Variants in WWTR1 observed in about 807,000 individuals in gnomAD.
WWTR1 encodes the protein WW domain containing transcription regulator 1.
In WWTR1, 13 loss-of-function variants were observed where a neutral mutation model predicts 40.1. The ratio of observed to expected loss-of-function variants is 0.32; its 90% CI spans 0.21 to 0.52. WWTR1 has a LOEUF of 0.52. Among genes scored for constraint, WWTR1 ranks in the 20% least tolerant of loss-of-function variants. The probability of loss-of-function intolerance (pLI) is 0.97; values close to 1 mark genes in which losing one functional copy is unlikely to be tolerated. For synonymous variants in WWTR1, 230 were observed against 210.1 expected, an observed-to-expected ratio of 1.09 and a Z score of -0.82; for missense variants, 436 against 523.1, an observed-to-expected ratio of 0.83 and a Z score of 1.63.
intron 6 of WWTR1, among the ~76,000 whole-genome samples, chr3:149,523,297 A>AGAGT (rs1167502558): frequency 1.3e-5 from 2 of 151,252 alleles, no homozygotes; most frequent in Admixed American, 1.3e-4. Context: ...TGCCCAAGCT[A>AGAGT]GAGTGCAATG....
chr3:149,658,912 TG>T (rs1410286090), upstream of WWTR1, among the ~76,000 whole-genome samples: 1 of 152,124 alleles, frequency 6.6e-6, no homozygotes, highest in Non-Finnish European at 1.5e-5. Flanking sequence ...GGAGCCGGGA[TG>T]GAACCCGAGC....
intron 2 of WWTR1, among the ~76,000 whole-genome samples, chr3:149,583,948 G>A (rs1738281830): frequency 6.6e-6 from 1 of 152,142 alleles, no homozygotes; most frequent in Admixed American, 6.5e-5. Flanking sequence ...CATATCAACT[G>A]CATCTAACAT....
chr3:149,619,682 C>A (rs1427344986), intron 2 of WWTR1, among the ~76,000 whole-genome samples: 1 of 152,148 alleles, frequency 6.6e-6, no homozygotes, highest in Non-Finnish European at 1.5e-5. Context: ...AATCTCCACA[C>A]TCTGTTTATT....
At chr3:149,655,184 C>A (rs1713134481) in intron 2 of WWTR1, among the ~76,000 whole-genome samples, 1 of 151,652 alleles carries the variant, frequency 6.6e-6, no homozygotes, top group Non-Finnish European at 1.5e-5. Flanking sequence ...GTGGCTCAAG[C>A]CTGTAATCCC....
intron 3 of WWTR1, among the ~76,000 whole-genome samples, chr3:149,553,950 G>A (rs747444906): frequency 6.6e-5 from 10 of 152,082 alleles, no homozygotes; most frequent in Admixed American, 1.3e-4. Context: ...AAAAAGGGCT[G>A]CAGACGCGTC....
intron 2 of WWTR1, chr3:149,576,039 TC>T (rs1275160461): frequency 2.2e-6 from 1 of 456,490 alleles, no homozygotes; most frequent in African/African-American, 2.0e-5. Context: ...CTCACAGCAT[TC>T]CCCAAAGGCT....
chr3:149,722,975 T>C lies in WWTR1; in HGVS notation n.459+1105A>G, dbSNP rs181235910. Among the ~76,000 whole-genome samples, 4 of 152,220 alleles carry C rather than the reference T, an allele frequency of 2.6e-5. No homozygotes were observed. In the East Asian group the frequency reaches 7.7e-4, roughly 29 times the overall value. On this transcript the variant is annotated intron_variant and non_coding_transcript_variant, in intron 4 of 6. Transcript: ENST00000474080. ...CTTTTAGCATCTTTAAGACAGTTGT[T>C]TGAAAGTCCTTGTCTATTACAACCA...
intron 4 of WWTR1, among the ~76,000 whole-genome samples, chr3:149,719,644 C>G (rs1357860973): frequency 1.3e-5 from 2 of 152,156 alleles, no homozygotes; most frequent in African/African-American, 4.8e-5. Flanking sequence ...TATGGCACTG[C>G]TGGATCATAT....
At chr3:149,626,148 G>A (rs765963045) in intron 2 of WWTR1, among the ~76,000 whole-genome samples, 11 of 151,838 alleles carry the variant, frequency 7.2e-5, no homozygotes, top group Non-Finnish European at 1.5e-4. Context: ...ATCAAATCAA[G>A]GTACAAGGGA....
intron 1 of WWTR1, among the ~76,000 whole-genome samples, chr3:149,676,609 A>C (rs1714268215): frequency 6.6e-6 from 1 of 152,132 alleles, no homozygotes; most frequent in Non-Finnish European, 1.5e-5. Flanking sequence ...AGATATTGTT[A>C]GTTCAGATTT....
chr3:149,540,570 A>G (rs1385271823), intron 4 of WWTR1, among the ~76,000 whole-genome samples: 1 of 152,242 alleles, frequency 6.6e-6, no homozygotes, highest in Non-Finnish European at 1.5e-5. Flanking sequence ...AATTTACCTT[A>G]CATTATAAAA....
chr3:149,560,340 T>C (rs1737030562), intron 3 of WWTR1, among the ~76,000 whole-genome samples: 2 of 152,158 alleles, frequency 1.3e-5, no homozygotes, highest in South Asian at 4.1e-4. Flanking sequence ...AAAGAAGACA[T>C]GCTGAGGATC....
At chr3:149,562,060 C>T (rs996379907) in intron 3 of WWTR1, among the ~76,000 whole-genome samples, 2 of 152,060 alleles carry the variant, frequency 1.3e-5, no homozygotes, top group Admixed American at 6.5e-5. Context: ...CTTTGGGGGC[C>T]GAGGCGGGCG....
intron 6 of WWTR1, among the ~76,000 whole-genome samples, chr3:149,521,885 TC>T (rs927892318): frequency 1.3e-5 from 2 of 152,218 alleles, no homozygotes; most frequent in African/African-American, 4.8e-5. Flanking sequence ...GAAATTGGGA[TC>T]ATATGCTCCT....
intron 1 of WWTR1, among the ~76,000 whole-genome samples, chr3:149,675,322 C>T (rs1031392540): frequency 1.4e-4 from 22 of 152,162 alleles, no homozygotes; most frequent in Non-Finnish European, 3.1e-4. Flanking sequence ...GGAAATATTT[C>T]TTTATTCATA....
intron 3 of WWTR1, among the ~76,000 whole-genome samples, chr3:149,570,140 C>G (rs143114871): frequency 6.6e-6 from 1 of 152,158 alleles, no homozygotes; most frequent in Non-Finnish European, 1.5e-5. Context: ...CTTGGCATTC[C>G]AAGTTGTATT....
At chr3:149,551,959 C>T (rs2107957192) in intron 3 of WWTR1, among the ~76,000 whole-genome samples, 1 of 145,852 alleles carries the variant, frequency 6.9e-6, no homozygotes, top group South Asian at 2.2e-4. Flanking sequence ...ATTACATACT[C>T]ATTTTGTCTG....
chr3:149,651,829 CTT>C (rs764013293), intron 2 of WWTR1, among the ~76,000 whole-genome samples: 1,194 of 117,960 alleles, frequency 0.01, 9 homozygotes, highest in East Asian at 0.038. Context: ...TATGGATTTT[CTT>C]TTTTTTTTTT....
At chr3:149,532,206 C>T (rs963141676) in intron 4 of WWTR1, among the ~76,000 whole-genome samples, 8 of 152,140 alleles carry the variant, frequency 5.3e-5, no homozygotes, top group Admixed American at 1.3e-4. Context: ...TAGAACAGTG[C>T]CAGGCACTCA....
Sources: allele counts gnomAD v4.1 joint callset (sites outside exome capture counted in the v4.1 genomes callset), GRCh38; gene constraint gnomAD v4.1.1; transcripts MANE v1.5; gene names NCBI Gene and HGNC (gene_info 2026-07-23, HGNC 2026-07-21).